FHIT: variants seen among roughly 807,000 people sequenced by gnomAD.
FHIT encodes bis(5'-adenosyl)-triphosphatase.
Under a neutral mutation model 17.9 loss-of-function variants are expected in FHIT, and 19 were observed. That is an observed-to-expected ratio of 1.06 (90% CI 0.74 to 1.56). The LOEUF (loss-of-function observed/expected upper bound fraction) is 1.56. FHIT is among the 40% of genes most tolerant of loss of function. FHIT has a pLI of 0.00. For synonymous variants in FHIT, 81 were observed against 69.7 expected (o/e 1.16, Z -0.81); for missense variants, 248 against 189.2 (o/e 1.31, Z -1.82).
chr3:60,632,379 A>G (rs2039468496), intron 4 of FHIT, among the ~76,000 whole-genome samples: 1 of 152,168 alleles, frequency 6.6e-6, no homozygotes, highest in Non-Finnish European at 1.5e-5. Context: ...CCGAACAACT[A>G]TCTTAGCTCC....
At chr3:61,019,609 A>G (rs1456788246) in intron 3 of FHIT, among the ~76,000 whole-genome samples, 2 of 152,190 alleles carry the variant, frequency 1.3e-5, no homozygotes, top group Non-Finnish European at 2.9e-5. Flanking sequence ...TCACATTCAT[A>G]CTCTGTGTAA....
At chr3:60,798,366 G>T (rs1214515626) in intron 4 of FHIT, among the ~76,000 whole-genome samples, 1 of 152,124 alleles carries the variant, frequency 6.6e-6, no homozygotes, top group East Asian at 1.9e-4. Flanking sequence ...AATGTCATCA[G>T]CCCAATAACA....
intron 5 of FHIT, among the ~76,000 whole-genome samples, chr3:60,346,117 C>T (rs1710765867): frequency 1.3e-5 from 2 of 152,172 alleles, no homozygotes; most frequent in South Asian, 4.1e-4. Context: ...TCCCTGCCAA[C>T]ATTTGCCCAT....
chr3:60,444,798 A>T (rs2031201191), intron 5 of FHIT, among the ~76,000 whole-genome samples: 1 of 152,042 alleles, frequency 6.6e-6, no homozygotes, highest in African/African-American at 2.4e-5. Context: ...TACATATGTA[A>T]CAAACCCGCA....
chr3:59,784,653 C>T (rs905135964), intron 8 of FHIT, among the ~76,000 whole-genome samples: 1 of 152,148 alleles, frequency 6.6e-6, no homozygotes. Flanking sequence ...TCTTTAGGTT[C>T]AACATCCTTT....
rs541657180 is a variant in FHIT at position 61,185,574 on chromosome 3, G to C, written c.-164+15043C>G. 2.6e-5 allele frequency among the ~76,000 whole-genome samples: 4 copies of C among 152,296 alleles called. No homozygotes were observed. The South Asian group carries it at 8.3e-4, about 32-fold the overall frequency. On this transcript the variant is annotated intron_variant, in intron 2 of 9. Coordinates refer to ENST00000492590, the MANE Select transcript of FHIT (RefSeq NM_002012.4). Reference sequence around the variant, plus strand: ...AAGGATCCCATTCAGCAGCAGAGGTGCTTTTCAAATCTGTACATCCACTTC... The same window carrying C: ...AAGGATCCCATTCAGCAGCAGAGGTCCTTTTCAAATCTGTACATCCACTTC...
At chr3:61,150,639 A>G (rs1291643463) in intron 2 of FHIT, among the ~76,000 whole-genome samples, 2 of 152,234 alleles carry the variant, frequency 1.3e-5, no homozygotes, top group Non-Finnish European at 2.9e-5. Flanking sequence ...ATAATAGCTT[A>G]AAGTATCTTT....
At chr3:60,790,401 C>T (rs1700733462) in intron 4 of FHIT, among the ~76,000 whole-genome samples, 1 of 152,184 alleles carries the variant, frequency 6.6e-6, no homozygotes, top group South Asian at 2.1e-4. Context: ...ATCACTCGCT[C>T]CAGTTAAATT....
chr3:60,920,796 A>C (rs532062951), intron 3 of FHIT, among the ~76,000 whole-genome samples: 5 of 152,190 alleles, frequency 3.3e-5, no homozygotes, highest in Non-Finnish European at 5.9e-5. Context: ...AAAGACTTTC[A>C]AGCAGGAAAA....
intron 5 of FHIT, among the ~76,000 whole-genome samples, chr3:60,517,351 T>C: frequency 6.6e-6 from 1 of 152,240 alleles, no homozygotes; most frequent in Non-Finnish European, 1.5e-5. Flanking sequence ...CCCATCCTAC[T>C]ATACCTTTCA....
intron 3 of FHIT, among the ~76,000 whole-genome samples, chr3:60,962,876 T>G (rs1184254984): frequency 6.6e-6 from 1 of 152,244 alleles, no homozygotes; most frequent in Non-Finnish European, 1.5e-5. Flanking sequence ...TCAGGGATAT[T>G]GGTCTAAAAT....
At chr3:60,840,428 CAT>C (rs1156620659) in intron 3 of FHIT, among the ~76,000 whole-genome samples, 1 of 152,182 alleles carries the variant, frequency 6.6e-6, no homozygotes, top group Admixed American at 6.5e-5. Context: ...ATGAACTTGA[CAT>C]GTGAATGAAT....
intron 7 of FHIT, among the ~76,000 whole-genome samples, chr3:59,930,940 T>C (rs1214717746): frequency 2.6e-5 from 4 of 152,160 alleles, no homozygotes; most frequent in Non-Finnish European, 5.9e-5. Context: ...AGCAGTTTGG[T>C]GTTCAGTCAC....
chr3:60,065,599 T>C lies in FHIT; in HGVS notation c.104-51447A>G, dbSNP rs986087991. ...CTACCCCTAGGCAAGCCCTTTGTTT[T>C]ACACAGCAAGAAAGTGAGACCTAAT... On this transcript the variant is annotated intron_variant, in intron 5 of 9. Transcript: ENST00000492590. Among the ~76,000 whole-genome samples, 3 of 152,204 alleles carry C rather than the reference T, an allele frequency of 2.0e-5. 1 individual carries two copies. The South Asian group carries it at 6.2e-4, about 32-fold the overall frequency.
chr3:59,967,096 G>C (rs1055879132), intron 7 of FHIT, among the ~76,000 whole-genome samples: 1 of 151,898 alleles, frequency 6.6e-6, no homozygotes, highest in Non-Finnish European at 1.5e-5. Context: ...CACAAGGTCA[G>C]GATCATCAGT....
intron 5 of FHIT, among the ~76,000 whole-genome samples, chr3:60,317,515 G>T (rs1275992873): frequency 6.7e-6 from 1 of 150,014 alleles, no homozygotes; most frequent in African/African-American, 2.4e-5. Context: ...GTGTTGGGTG[G>T]ATCCTCACAA....
At chr3:60,130,808 T>G (rs1699526658) in intron 5 of FHIT, among the ~76,000 whole-genome samples, 1 of 149,722 alleles carries the variant, frequency 6.7e-6, no homozygotes, top group Non-Finnish European at 1.5e-5. Context: ...CACATATATA[T>G]GTGTGTATGT....
At chr3:60,710,407 C>A (rs1202725606) in intron 4 of FHIT, among the ~76,000 whole-genome samples, 2 of 152,188 alleles carry the variant, frequency 1.3e-5, no homozygotes, top group Non-Finnish European at 2.9e-5. Flanking sequence ...CTAGGGAGTG[C>A]CAGACAGTGG....
chr3:59,997,811 C>T (rs1473562738), intron 7 of FHIT, among the ~76,000 whole-genome samples: 1 of 152,142 alleles, frequency 6.6e-6, no homozygotes, highest in Non-Finnish European at 1.5e-5. Context: ...CTAACACCCC[C>T]CTCTACCCCC....
Sources: gnomAD v4.1 joint callset for allele counts (sites outside exome capture counted in the v4.1 genomes callset) on GRCh38, gnomAD v4.1.1 for gene constraint, MANE v1.5 for transcripts, NCBI Gene and HGNC (gene_info 2026-07-23, HGNC 2026-07-21) for gene names.